RGL1: variants seen among roughly 807,000 people sequenced by gnomAD.
RGL1 encodes the protein ral guanine nucleotide dissociation stimulator-like 1.
Under a neutral mutation model 95.2 loss-of-function variants are expected in RGL1, and 24 were observed. The observed-to-expected ratio is 0.25, with a 90% CI of 0.18 to 0.35. RGL1 has a LOEUF of 0.35. RGL1 is among the 10% of genes least tolerant of loss of function. The pLI, the probability that RGL1 is intolerant of heterozygous loss-of-function variation, is 1.00. For missense variants in RGL1, 715 were observed against 936.3 expected (o/e 0.76, Z 3.08); for synonymous variants, 329 against 344.9 (o/e 0.95, Z 0.51).
chr1:183,875,187 A>G (rs1173483926), intron 4 of RGL1, among the ~76,000 whole-genome samples: 2 of 152,164 alleles, frequency 1.3e-5, no homozygotes, highest in Non-Finnish European at 2.9e-5. Context: ...TTTCAAATAG[A>G]TTGCTGGGGA....
At chr1:183,763,247 G>A (rs900599819) in intron 2 of RGL1, among the ~76,000 whole-genome samples, 1 of 152,100 alleles carries the variant, frequency 6.6e-6, no homozygotes, top group Non-Finnish European at 1.5e-5. Context: ...CAGGACATGG[G>A]GACTAGGGGA....
At chr1:183,720,745 G>A (rs1049716482) in intron 1 of RGL1, among the ~76,000 whole-genome samples, 9 of 152,214 alleles carry the variant, frequency 5.9e-5, no homozygotes, top group Non-Finnish European at 1.3e-4. Flanking sequence ...TACTACCAGG[G>A]TAAGAAGTAG....
At chr1:183,699,779 C>CG (rs1265578311) in intron 1 of RGL1, among the ~76,000 whole-genome samples, 1 of 152,138 alleles carries the variant, frequency 6.6e-6, no homozygotes, top group Non-Finnish European at 1.5e-5. Flanking sequence ...CAGCCTCTGA[C>CG]TGTCTTGGTT....
intron 4 of RGL1, among the ~76,000 whole-genome samples, chr1:183,868,365 A>T (rs1460435003): frequency 1.3e-5 from 2 of 152,168 alleles, no homozygotes; most frequent in African/African-American, 2.4e-5. Flanking sequence ...ATGAATTTTT[A>T]TAGGAGGGAA....
At chr1:183,902,395 T>C (rs1202944769) in intron 11 of RGL1, among the ~76,000 whole-genome samples, 173 bp from the exon 12 acceptor site, 1 of 152,188 alleles carries the variant, frequency 6.6e-6, no homozygotes, top group Non-Finnish European at 1.5e-5. Context: ...ATAATAATAC[T>C]TTTTTTAAAA....
intron 4 of RGL1, among the ~76,000 whole-genome samples, chr1:183,867,356 A>C (rs200322930): frequency 4.1e-5 from 1 of 24,390 alleles, no homozygotes; most frequent in African/African-American, 6.4e-5. Flanking sequence ...GAGAAAAAAG[A>C]AGTTGTTGTG....
chr1:183,820,280 A>G, intron 2 of RGL1, among the ~76,000 whole-genome samples: 1 of 152,192 alleles, frequency 6.6e-6, no homozygotes, highest in Non-Finnish European at 1.5e-5. Context: ...CAAATTAGAA[A>G]GGTTACTTTC....
chr1:183,643,002 A>G (rs1650031867), intron 1 of RGL1, among the ~76,000 whole-genome samples: 1 of 152,204 alleles, frequency 6.6e-6, no homozygotes, highest in South Asian at 2.1e-4. Context: ...TACCACATGT[A>G]AGTGGAATCA....
intron 11 of RGL1, among the ~76,000 whole-genome samples, chr1:183,900,808 A>G (rs1446848703): frequency 5.3e-5 from 8 of 150,600 alleles, no homozygotes; most frequent in Non-Finnish European, 1.0e-4. Context: ...CACCCGGCCC[A>G]CAATGAACTC....
At chr1:183,821,990 G>T (rs992381034) in intron 2 of RGL1, among the ~76,000 whole-genome samples, 1 of 151,722 alleles carries the variant, frequency 6.6e-6, no homozygotes, top group Non-Finnish European at 1.5e-5. Flanking sequence ...TCTTCTTCCT[G>T]CCTGACAGAA....
At chr1:183,750,777 T>G (rs1219609898) in intron 2 of RGL1, among the ~76,000 whole-genome samples, 1 of 152,250 alleles carries the variant, frequency 6.6e-6, no homozygotes, top group African/African-American at 2.4e-5. Context: ...GTTGATGTTA[T>G]TTCTTTCTCT....
chr1:183,896,483 T>G (rs184875521), intron 9 of RGL1, among the ~76,000 whole-genome samples: 1 of 152,362 alleles, frequency 6.6e-6, no homozygotes, highest in East Asian at 1.9e-4. Flanking sequence ...CCCAGTAGTG[T>G]ACCTGGGACC....
intron 4 of RGL1, among the ~76,000 whole-genome samples, chr1:183,875,835 C>T (rs566391165): frequency 2.9e-4 from 43 of 147,332 alleles, no homozygotes; most frequent in South Asian, 1.5e-3. Flanking sequence ...GCCGAGATTG[C>T]GCCACTGCAC....
intron 3 of RGL1, among the ~76,000 whole-genome samples, chr1:183,860,239 C>G (rs1665422500): frequency 6.6e-6 from 1 of 152,176 alleles, no homozygotes; most frequent in Non-Finnish European, 1.5e-5. Flanking sequence ...ACCTCCTTCC[C>G]AACTCTTCCC....
At chr1:183,872,749 C>A (rs1343656856) in intron 4 of RGL1, among the ~76,000 whole-genome samples, 1 of 152,148 alleles carries the variant, frequency 6.6e-6, no homozygotes, top group Non-Finnish European at 1.5e-5. Flanking sequence ...AAAATCTTCC[C>A]AGAGAGTTTG....
chr1:183,868,160 C>T (rs193052809), intron 4 of RGL1, among the ~76,000 whole-genome samples: 3 of 152,194 alleles, frequency 2.0e-5, no homozygotes, highest in East Asian at 3.9e-4. Flanking sequence ...AACAGTGGGA[C>T]CAAATTGGGC....
chr1:183,836,946 T>C (rs1663704409), intron 2 of RGL1, among the ~76,000 whole-genome samples: 1 of 152,188 alleles, frequency 6.6e-6, no homozygotes, highest in African/African-American at 2.4e-5. Flanking sequence ...ATAATGGGGC[T>C]TTGGTTTTTA....
chr1:183,903,719 G>A (rs537656831), intron 12 of RGL1, among the ~76,000 whole-genome samples: 1 of 152,266 alleles, frequency 6.6e-6, no homozygotes, highest in South Asian at 2.1e-4. Flanking sequence ...TATATAGGTG[G>A]GGTATCTATC....
chr1:183,725,077 T>C (rs6673065), intron 1 of RGL1, among the ~76,000 whole-genome samples: 27,221 of 152,026 alleles, frequency 0.18, 3,363 homozygotes, highest in African/African-American at 0.35. Flanking sequence ...CCTGGTAATC[T>C]GGAGAATTCT....
Sources: allele counts gnomAD v4.1 joint callset (sites outside exome capture counted in the v4.1 genomes callset), GRCh38; gene constraint gnomAD v4.1.1; transcripts MANE v1.5; gene names NCBI Gene and HGNC (gene_info 2026-07-23, HGNC 2026-07-21).